HS6ST3: variants seen among roughly 807,000 people sequenced by gnomAD.
The protein encoded by HS6ST3 is heparan-sulfate 6-O-sulfotransferase 3.
A neutral mutation model predicts 36.7 loss-of-function variants in HS6ST3; 12 were observed. The ratio of observed to expected loss-of-function variants is 0.33; its 90% CI spans 0.21 to 0.53. HS6ST3 has a LOEUF of 0.53. Ranked by LOEUF, HS6ST3 falls within the 20% of genes least tolerant of loss-of-function variation. The pLI is 0.95. For synonymous variants in HS6ST3, 240 were observed against 257.5 expected, an observed-to-expected ratio of 0.93 and a Z score of 0.65; for missense variants, 584 against 640.9, an observed-to-expected ratio of 0.91 and a Z score of 0.96.
intron 1 of HS6ST3, among the ~76,000 whole-genome samples, chr13:96,216,247 T>A (rs1387577470): frequency 6.6e-6 from 1 of 152,218 alleles, no homozygotes; most frequent in African/African-American, 2.4e-5. Context: ...ATTTTAATGG[T>A]TTGCATTGCA....
In HS6ST3 at chr13:96,563,041, C is replaced by CAAA. The variant is rs34175542; in HGVS notation, c.708-269433_708-269431dup. ...CAATGGAGCCAGTCAGCAGAAATAG[C>CAAA]AAAAAAAAAAAAAAAAAAGTCCAAG... On this transcript the variant is annotated intron_variant, in intron 1 of 1. Transcript: ENST00000376705. Among the ~76,000 whole-genome samples, 126 of 79,412 alleles carry CAAA rather than the reference C, an allele frequency of 1.6e-3. 1 individual carries two copies. The highest frequency in any genetic ancestry group is 7.9e-3 in the Middle Eastern group (1 of 126). 52.1% of individuals were successfully genotyped at this position (79,412 alleles called of 152,430 possible). A position where few individuals can be genotyped will look rare whatever the true frequency, so the allele number is the denominator to read the frequency against.
At chr13:96,228,281 C>T (rs1205557494) in intron 1 of HS6ST3, among the ~76,000 whole-genome samples, 1 of 152,158 alleles carries the variant, frequency 6.6e-6, no homozygotes, top group South Asian at 2.1e-4. Flanking sequence ...TTTTCTGAGA[C>T]AGAGTCTTCC....
intron 1 of HS6ST3, among the ~76,000 whole-genome samples, chr13:96,515,807 C>A (rs1327420145): frequency 1.3e-5 from 2 of 152,130 alleles, no homozygotes; most frequent in South Asian, 2.1e-4. Flanking sequence ...ATTAAACAAA[C>A]CTCCTTTCTT....
intron 1 of HS6ST3, among the ~76,000 whole-genome samples, chr13:96,477,045 T>A (rs2055867436): frequency 6.6e-6 from 1 of 152,212 alleles, no homozygotes; most frequent in African/African-American, 2.4e-5. Flanking sequence ...CTCCTTTTAG[T>A]AAAACCTTAG....
chr13:96,419,676 C>G (rs767797457), intron 1 of HS6ST3, among the ~76,000 whole-genome samples: 8 of 152,184 alleles, frequency 5.3e-5, no homozygotes, highest in Admixed American at 1.3e-4. Flanking sequence ...GCCATGCTCC[C>G]TCTAAAACAT....
At chr13:96,430,839 T>G (rs1363693416) in intron 1 of HS6ST3, among the ~76,000 whole-genome samples, 4 of 152,188 alleles carry the variant, frequency 2.6e-5, no homozygotes, top group African/African-American at 9.7e-5. Flanking sequence ...TGTCCTCCTA[T>G]TTCCATGTTT....
intron 1 of HS6ST3, among the ~76,000 whole-genome samples, chr13:96,505,325 C>G (rs1205171604): frequency 6.6e-6 from 1 of 152,092 alleles, no homozygotes; most frequent in Non-Finnish European, 1.5e-5. Flanking sequence ...AAAGGGAGCC[C>G]CATCATAGAA....
chr13:96,377,475 G>A (rs2055320506), intron 1 of HS6ST3, among the ~76,000 whole-genome samples: 1 of 152,104 alleles, frequency 6.6e-6, no homozygotes, highest in Admixed American at 6.6e-5. Context: ...TATATTGATG[G>A]TAGTTCTCAA....
chr13:96,178,739 G>A (rs2054224620), intron 1 of HS6ST3, among the ~76,000 whole-genome samples: 1 of 151,994 alleles, frequency 6.6e-6, no homozygotes, highest in Non-Finnish European at 1.5e-5. Flanking sequence ...CTTGCTCTTT[G>A]GGAGACAGGA....
chr13:96,196,732 C>T (rs78065986), intron 1 of HS6ST3, among the ~76,000 whole-genome samples: 6,302 of 152,268 alleles, frequency 0.041, 208 homozygotes, highest in African/African-American at 0.087. Flanking sequence ...GCAGCAACCA[C>T]GGAGGGACCT....
At chr13:96,732,861 T>C (rs946246797) in intron 1 of HS6ST3, among the ~76,000 whole-genome samples, 1 of 152,194 alleles carries the variant, frequency 6.6e-6, no homozygotes, top group African/African-American at 2.4e-5. Context: ...TCTTTCACCT[T>C]GTTTGTTAAA....
intron 1 of HS6ST3, among the ~76,000 whole-genome samples, chr13:96,290,188 C>T (rs761548605): frequency 1.4e-4 from 22 of 152,094 alleles, no homozygotes; most frequent in African/African-American, 3.6e-4. Flanking sequence ...TTCCCCATTG[C>T]GACGTTTCAT....
At chr13:96,366,578 G>A (rs1396954684) in intron 1 of HS6ST3, among the ~76,000 whole-genome samples, 7 of 152,050 alleles carry the variant, frequency 4.6e-5, no homozygotes, top group Admixed American at 3.9e-4. Context: ...TCAATTTTGG[G>A]TGCACATCAG....
At chr13:96,260,504 G>A (rs1049741506) in intron 1 of HS6ST3, among the ~76,000 whole-genome samples, 2 of 151,440 alleles carry the variant, frequency 1.3e-5, no homozygotes, top group Non-Finnish European at 2.9e-5. Context: ...TACTAGAGAC[G>A]GGGTTTCACC....
At position 96,738,177 on chromosome 13, in the gene HS6ST3, T is replaced by A. The variant is rs369955317; in HGVS notation, c.708-94313T>A. Among the ~76,000 whole-genome samples the A allele has an allele frequency of 1.1e-4, 17 of 152,328 alleles. No homozygotes were observed. In the South Asian group the frequency reaches 3.3e-3, roughly 30 times the overall value. ...AATATATTTATTTGATCACACCCTA[T>A]GTTCACCAAAGATGTGGATCAATAG... On this transcript the variant is annotated intron_variant, in intron 1 of 1. Coordinates refer to ENST00000376705, the MANE Select transcript of HS6ST3 (RefSeq NM_153456.4).
chr13:96,181,111 G>C (rs1307058260), intron 1 of HS6ST3, among the ~76,000 whole-genome samples: 11 of 152,072 alleles, frequency 7.2e-5, no homozygotes. Flanking sequence ...ATTTTACTCT[G>C]CATGTAGTAG....
At chr13:96,738,135 A>C (rs1876333132) in intron 1 of HS6ST3, among the ~76,000 whole-genome samples, 1 of 152,220 alleles carries the variant, frequency 6.6e-6, no homozygotes, top group South Asian at 2.1e-4. Context: ...ATATTACCAA[A>C]GATTATTATC....
chr13:96,713,084 TC>T (rs1300714929), intron 1 of HS6ST3, among the ~76,000 whole-genome samples: 1 of 152,244 alleles, frequency 6.6e-6, no homozygotes, highest in Non-Finnish European at 1.5e-5. Flanking sequence ...GTCATCTTTT[TC>T]TGTGCTAAAT....
chr13:96,483,373 G>A (rs531726893), intron 1 of HS6ST3, among the ~76,000 whole-genome samples: 4 of 152,150 alleles, frequency 2.6e-5, no homozygotes, highest in Non-Finnish European at 5.9e-5. Flanking sequence ...ACTGAAAGGA[G>A]GAGAGTGTGT....
Sources: allele counts gnomAD v4.1 joint callset (sites outside exome capture counted in the v4.1 genomes callset), GRCh38; gene constraint gnomAD v4.1.1; transcripts MANE v1.5; gene names NCBI Gene and HGNC (gene_info 2026-07-23, HGNC 2026-07-21).